The following TBC1D21 variants were observed in gnomAD, a reference collection of about 807,000 sequenced individuals.
TBC1D21 encodes the protein TBC1 domain family member 21, also known as male germ cell Rab GTPase-activating protein.
Under a neutral mutation model 46.0 loss-of-function variants are expected in TBC1D21, and 38 were observed. That is an observed-to-expected ratio of 0.83 (90% CI 0.64 to 1.08). The LOEUF (loss-of-function observed/expected upper bound fraction) is 1.08, where lower values mean the gene tolerates loss of function less well. Ranked by LOEUF, TBC1D21 falls within the 50% of genes least tolerant of loss-of-function variation. The probability of loss-of-function intolerance (pLI) is 0.00; values close to 1 mark genes in which losing one functional copy is unlikely to be tolerated. For missense variants in TBC1D21, 415 were observed against 417.9 expected, an observed-to-expected ratio of 0.99 and a Z score of 0.06; for synonymous variants, 151 against 157.2, an observed-to-expected ratio of 0.96 and a Z score of 0.29.
At position 73,873,673 on chromosome 15, in the gene TBC1D21, G is replaced by A; in HGVS notation, c.-37G>A. 1 of 1,583,658 alleles carries A rather than the reference G, an allele frequency of 6.3e-7. No individual in the cohort carries two copies. Among genetic ancestry groups the A allele is most frequent in the East Asian group, 2.3e-5 (1 of 43,364 alleles). On this transcript the variant is annotated 5_prime_UTR_variant, in exon 1 of 11. Transcript: ENST00000300504. ...TAAGCATCACTAGGGCTCCAAGTGA[G>A]TTCTGATCAGAGGCTGTTCGGAAGA...
the TBC1D21 span, among the ~76,000 whole-genome samples, chr15:73,904,994 C>T: frequency 5.9e-5 from 9 of 152,150 alleles, no homozygotes; most frequent in Non-Finnish European, 7.4e-5. Context: ...AAGAATTTAG[C>T]GACAAAAACA....
chr15:73,886,724 T>A (rs996999775), intron 8 of TBC1D21, 112 bp downstream of exon 8: 2 of 1,027,800 alleles, frequency 1.9e-6, no homozygotes, highest in African/African-American at 1.6e-5. Context: ...GAGTTCAGTA[T>A]CTCGGGGTTT....
chr15:73,904,962 A>G, the TBC1D21 span, among the ~76,000 whole-genome samples: 1 of 152,228 alleles, frequency 6.6e-6, no homozygotes, highest in East Asian at 1.9e-4. Context: ...GACAGAGTGG[A>G]GGAAGCCAAG....
At chr15:73,887,432 A>G (rs1350002030) in intron 8 of TBC1D21, among the ~76,000 whole-genome samples, 188 bp from the exon 9 acceptor site, 1 of 152,110 alleles carries the variant, frequency 6.6e-6, no homozygotes, top group East Asian at 1.9e-4. Context: ...AACCAGGAGT[A>G]CCTGTGAGCA....
chr15:73,885,163 A>C, intron 6 of TBC1D21, 60 bp downstream of exon 6: 2 of 1,463,956 alleles, frequency 1.4e-6, no homozygotes, highest in Non-Finnish European at 1.9e-6. Flanking sequence ...CTCCCCAAAC[A>C]ACTCTTTGAG....
At chr15:73,883,322 G>A (rs1040537987) in intron 3 of TBC1D21, among the ~76,000 whole-genome samples, 6 of 152,246 alleles carry the variant, frequency 3.9e-5, no homozygotes. Context: ...GCCTTAGCAA[G>A]TACCACAAAC....
chr15:73,879,327 C>T (rs2068113916), intron 1 of TBC1D21, among the ~76,000 whole-genome samples: 1 of 152,176 alleles, frequency 6.6e-6, no homozygotes, highest in African/African-American at 2.4e-5. Flanking sequence ...TCTGCTTCAG[C>T]CTCCTGAGTA....
the TBC1D21 span, among the ~76,000 whole-genome samples, chr15:73,897,544 G>T: frequency 6.6e-6 from 1 of 152,220 alleles, no homozygotes; most frequent in Non-Finnish European, 1.5e-5. Flanking sequence ...CCTCTTTCCT[G>T]TGGAGCCTGC....
At chr15:73,899,240 G>C in the TBC1D21 span, among the ~76,000 whole-genome samples, 1 of 152,232 alleles carries the variant, frequency 6.6e-6, no homozygotes, top group East Asian at 1.9e-4. Context: ...GAACCTCCTG[G>C]GAAGCGGGTG....
the TBC1D21 span, among the ~76,000 whole-genome samples, chr15:73,899,298 C>T: frequency 4.6e-5 from 7 of 152,136 alleles, no homozygotes; most frequent in South Asian, 2.1e-4. Context: ...ACCCTCAATT[C>T]CTGACCTGAG....
Position 73,888,411 on chromosome 15 carries a change from C to G in TBC1D21, c.895-19C>G. The G allele has an allele frequency of 1.2e-6, 2 of 1,610,806 alleles. No individual in the cohort carries two copies. The highest frequency in any genetic ancestry group is 1.7e-4 in the Middle Eastern group (1 of 6,056). ...TTTGCCCCAGCCCCACCCACAACTGCTCCCACACTCCCATGCAGGCCTGCA... is the reference window on the plus strand; with the variant it reads ...TTTGCCCCAGCCCCACCCACAACTGGTCCCACACTCCCATGCAGGCCTGCA... On this transcript the variant is annotated intron_variant, in intron 9 of 10. Coordinates refer to ENST00000300504, the MANE Select transcript of TBC1D21 (RefSeq NM_153356.3).
chr15:73,882,659 G>C (rs2068175355), intron 3 of TBC1D21, among the ~76,000 whole-genome samples: 2 of 152,204 alleles, frequency 1.3e-5, no homozygotes, highest in Admixed American at 6.5e-5. Context: ...TTTACACCCT[G>C]GGTAAACTTG....
chr15:73,884,158 T>C lies in TBC1D21; in HGVS notation c.280T>C (p.Tyr94His). The C allele has an allele frequency of 6.2e-7, 1 of 1,614,130 alleles. No individual in the cohort carries two copies. The highest frequency in any genetic ancestry group is 8.5e-7 in the Non-Finnish European group (1 of 1,179,966). The change falls in exon 4 of 11, where the codon TAC becomes CAC. Residue 94 changes from tyrosine to histidine, a missense_variant. Transcript: ENST00000300504. ...LTVDSMRRKN[Y>H]KALCQMYEKI... is the part of the protein sequence containing the mutation. Reference sequence around the variant, plus strand: ...TCAGTTCTGTTCTCACAGGAAGAACTACAAGGCCTTATGCCAAATGTATGA... The same window carrying C: ...TCAGTTCTGTTCTCACAGGAAGAACCACAAGGCCTTATGCCAAATGTATGA...
Position 73,873,772 on chromosome 15 carries a change from G to T in TBC1D21, c.60+3G>T. 1 of 1,609,414 alleles carries T rather than the reference G, an allele frequency of 6.2e-7. No individual in the cohort carries two copies. The highest frequency in any genetic ancestry group is 8.5e-7 in the Non-Finnish European group (1 of 1,177,490). ...GACAGTCAGCCTCCTTCATCCTGGT[G>T]CGTGTTCTTTGTCAGCTCTGAGTGC... On this transcript the variant is annotated splice_donor_region_variant and intron_variant, in intron 1 of 10. Coordinates refer to ENST00000300504, the MANE Select transcript of TBC1D21 (RefSeq NM_153356.3).
chr15:73,895,477 C>T, the TBC1D21 span, among the ~76,000 whole-genome samples: 2 of 152,206 alleles, frequency 1.3e-5, no homozygotes, highest in Non-Finnish European at 2.9e-5. Context: ...TAGAATTAAG[C>T]ATTCCAAGTT....
At chr15:73,888,557 C>T in intron 10 of TBC1D21, 44 bp downstream of exon 10, 1 of 1,288,670 alleles carries the variant, frequency 7.8e-7, no homozygotes, top group Non-Finnish European at 1.1e-6. Context: ...TCTTCCTCCT[C>T]CTCCTCTTCC....
At chr15:73,881,847 T>C (rs1317135732) in intron 3 of TBC1D21, 100 bp downstream of exon 3, 3 of 1,105,016 alleles carry the variant, frequency 2.7e-6, no homozygotes, top group Non-Finnish European at 4.0e-6. Context: ...ATGCAACTTC[T>C]TATTCCGAGA....
intron 1 of TBC1D21, among the ~76,000 whole-genome samples, chr15:73,880,509 G>A (rs529269347): frequency 1.9e-4 from 29 of 152,242 alleles, no homozygotes; most frequent in Admixed American, 3.3e-4. Flanking sequence ...GGTGACTAAC[G>A]CCTGTAGTCC....
chr15:73,906,690 C>A, the TBC1D21 span, among the ~76,000 whole-genome samples: 7 of 152,194 alleles, frequency 4.6e-5, no homozygotes, highest in Non-Finnish European at 1.0e-4. Context: ...AAGAAAAGGG[C>A]TTTCCTGACC....
Sources: allele counts gnomAD v4.1 joint callset (sites outside exome capture counted in the v4.1 genomes callset), GRCh38; gene constraint gnomAD v4.1.1; transcripts MANE v1.5; gene names NCBI Gene and HGNC (gene_info 2026-07-23, HGNC 2026-07-21).